Variants in ARK2N observed in about 807,000 individuals in gnomAD.
The protein encoded by ARK2N is protein ARK2N.
chr18:46,198,003 C>T, the ARK2N span, among the ~76,000 whole-genome samples: 1,879 of 152,008 alleles, frequency 0.012, 48 homozygotes, highest in African/African-American at 0.043. Flanking sequence ...ACGATATTTC[C>T]ATTTTTGAAA....
the ARK2N span, among the ~76,000 whole-genome samples, chr18:46,179,494 G>A: frequency 6.6e-6 from 1 of 152,104 alleles, no homozygotes; most frequent in African/African-American, 2.4e-5. Context: ...TTCTGTGTGG[G>A]CAGCTTCTCT....
chr18:46,204,314 C>G, the ARK2N span, among the ~76,000 whole-genome samples: 2 of 152,094 alleles, frequency 1.3e-5, no homozygotes. Context: ...AGGCCCAGTC[C>G]TAGATTGCAA....
the ARK2N span, among the ~76,000 whole-genome samples, chr18:46,188,686 T>C: frequency 1.3e-5 from 2 of 152,160 alleles, no homozygotes; most frequent in Non-Finnish European, 2.9e-5. Context: ...CATAAAAATA[T>C]AAGATTTTGA....
At chr18:46,203,562 G>A in the ARK2N span, among the ~76,000 whole-genome samples, 2 of 152,036 alleles carry the variant, frequency 1.3e-5, no homozygotes, top group Non-Finnish European at 2.9e-5. Context: ...CACACTTAAC[G>A]ATGTGCATTT....
the ARK2N span, among the ~76,000 whole-genome samples, chr18:46,178,292 G>C: frequency 6.6e-6 from 1 of 152,176 alleles, no homozygotes; most frequent in African/African-American, 2.4e-5. Context: ...TGAAGAATGA[G>C]ATAGGCATTC....
chr18:46,209,745 G>A, the ARK2N span, among the ~76,000 whole-genome samples: 146 of 152,108 alleles, frequency 9.6e-4, 1 homozygote, highest in Middle Eastern at 0.017. Context: ...ACAGGCGTCC[G>A]CCACCACACC....
chr18:46,253,895 G>A, the ARK2N span: 1 of 1,477,016 alleles, frequency 6.8e-7, no homozygotes, highest in South Asian at 1.3e-5. Context: ...CAAGTTAAAA[G>A]AAAATGGTAG....
chr18:46,180,890 T>C, the ARK2N span, among the ~76,000 whole-genome samples: 3 of 152,334 alleles, frequency 2.0e-5, no homozygotes, highest in Admixed American at 1.3e-4. Flanking sequence ...TTTTCCCTTA[T>C]AAATTCATTT....
the ARK2N span, among the ~76,000 whole-genome samples, chr18:46,201,338 A>G: frequency 3.9e-5 from 6 of 152,268 alleles, no homozygotes; most frequent in African/African-American, 9.6e-5. Flanking sequence ...GGCTTTCAAA[A>G]AAATATGTGT....
chr18:46,253,966 A>G, the ARK2N span: 2 of 1,002,622 alleles, frequency 2.0e-6, no homozygotes, highest in Non-Finnish European at 2.8e-6. Flanking sequence ...TTTGTTTAAG[A>G]AACACTTTTT....
At chr18:46,196,520 C>G in the ARK2N span, among the ~76,000 whole-genome samples, 1 of 152,220 alleles carries the variant, frequency 6.6e-6, no homozygotes, top group Non-Finnish European at 1.5e-5. Context: ...CTCGGCCTCC[C>G]AAAGTGCTGG....
chr18:46,182,208 GC>G, the ARK2N span, among the ~76,000 whole-genome samples: 23 of 152,166 alleles, frequency 1.5e-4, no homozygotes, highest in Admixed American at 3.3e-4. Context: ...TTTTAACCTA[GC>G]ATAGAATCAT....
At chr18:46,226,806 C>CTTTTT in the ARK2N span, among the ~76,000 whole-genome samples, 1,081 of 133,938 alleles carry the variant, frequency 8.1e-3, 16 homozygotes, top group African/African-American at 0.028. Context: ...ACTGGATTTA[C>CTTTTT]TTTTTTTTTT....
the ARK2N span, among the ~76,000 whole-genome samples, chr18:46,248,156 A>C: frequency 6.6e-6 from 1 of 152,352 alleles, no homozygotes; most frequent in South Asian, 2.1e-4. Context: ...CCTGGAAGGC[A>C]CTGCCTGCTG....
chr18:46,259,772 CTGTGTGTGTGTGTGTGTG>C, the ARK2N span, among the ~76,000 whole-genome samples: 1 of 104,800 alleles, frequency 9.5e-6, no homozygotes, highest in African/African-American at 3.5e-5. Flanking sequence ...CACCCAGCTA[CTGTGTGTGTGTGTGTGTG>C]TGTGTGTGTG....
At chr18:46,249,756 C>G in the ARK2N span, among the ~76,000 whole-genome samples, 1 of 152,208 alleles carries the variant, frequency 6.6e-6, no homozygotes, top group Admixed American at 6.5e-5. Flanking sequence ...ATTCCTTACT[C>G]AGTACCATCC....
chr18:46,233,072 G>C, the ARK2N span: 1 of 151,996 alleles, frequency 6.6e-6, no homozygotes, highest in African/African-American at 2.4e-5. Flanking sequence ...TATAACAATA[G>C]ATTTTGCATA....
chr18:46,235,623 C>G, the ARK2N span, among the ~76,000 whole-genome samples: 1 of 152,184 alleles, frequency 6.6e-6, no homozygotes, highest in African/African-American at 2.4e-5. Flanking sequence ...GTGTCTGCTG[C>G]CAAAAATCTG....
chr18:46,265,171 C>T, the ARK2N span: 2 of 152,650 alleles, frequency 1.3e-5, no homozygotes. Flanking sequence ...CAGAAATGTA[C>T]AATTTCTGGT....
Sources: gnomAD v4.1 joint callset for allele counts (sites outside exome capture counted in the v4.1 genomes callset) on GRCh38, gnomAD v4.1.1 for gene constraint, MANE v1.5 for transcripts, NCBI Gene and HGNC (gene_info 2026-07-23, HGNC 2026-07-21) for gene names.